The following PCBD2 variants were observed in gnomAD, a reference collection of about 807,000 sequenced individuals.
PCBD2 encodes pterin-4 alpha-carbinolamine dehydratase 2.
In PCBD2, 12 loss-of-function variants were observed where a neutral mutation model predicts 16.4. The observed-to-expected ratio is 0.73, with a 90% confidence interval of 0.47 to 1.19. The LOEUF (loss-of-function observed/expected upper bound fraction) is 1.19. Ranked by LOEUF, PCBD2 falls within the 50% of genes most tolerant of loss-of-function variation. PCBD2 has a pLI of 0.00. For missense variants in PCBD2, 138 were observed against 156.8 expected (o/e 0.88, Z 0.64); for synonymous variants, 58 against 61.8 (o/e 0.94, Z 0.29).
At chr5:134,924,744 G>A (rs1750963417) in intron 2 of PCBD2, 3 of 395,144 alleles carry the variant, frequency 7.6e-6, no homozygotes, top group East Asian at 3.6e-5. Flanking sequence ...TGATGGAGGC[G>A]GAGATTTGGT....
In PCBD2 at chr5:134,962,250, C is replaced by T. The variant is rs1263031642; in HGVS notation, c.*1569C>T. Among the ~76,000 whole-genome samples the T allele has an allele frequency of 6.6e-6, 1 of 152,068 alleles. No individual in the cohort carries two copies. The highest frequency in any genetic ancestry group is 1.5e-5 in the Non-Finnish European group (1 of 68,014). On this transcript the variant is annotated 3_prime_UTR_variant, in exon 4 of 4. Coordinates refer to ENST00000254908, the MANE Select transcript of PCBD2 (RefSeq NM_032151.5). ...GCGGTTACAGGCATGCATCACCACACCTGGCTTATTTTTAAAACTTTTTTG... is the reference window on the plus strand; with the variant it reads ...GCGGTTACAGGCATGCATCACCACATCTGGCTTATTTTTAAAACTTTTTTG...
At chr5:134,923,827 A>G in intron 2 of PCBD2, 1 of 394,032 alleles carries the variant, frequency 2.5e-6, no homozygotes, top group Non-Finnish European at 4.5e-6. Flanking sequence ...ATTCAGCCAT[A>G]ATTTACGTCT....
chr5:134,953,240 G>A (rs572154047), intron 2 of PCBD2, among the ~76,000 whole-genome samples: 1 of 151,362 alleles, frequency 6.6e-6, no homozygotes, highest in African/African-American at 2.4e-5. Flanking sequence ...TATGGACTGT[G>A]TTTTCTTTGT....
intron 2 of PCBD2, among the ~76,000 whole-genome samples, chr5:134,913,110 A>G (rs1381761861): frequency 1.3e-5 from 2 of 152,212 alleles, no homozygotes; most frequent in African/African-American, 4.8e-5. Flanking sequence ...TTTAAATTTT[A>G]TCATGAAATA....
chr5:134,945,866 T>C (rs1334559674), intron 2 of PCBD2, among the ~76,000 whole-genome samples: 1 of 152,066 alleles, frequency 6.6e-6, no homozygotes, highest in Non-Finnish European at 1.5e-5. Flanking sequence ...ATTTACAGAG[T>C]AGTAGAGGCA....
chr5:134,907,523 G>C (rs1437133203), intron 1 of PCBD2, among the ~76,000 whole-genome samples: 1 of 152,056 alleles, frequency 6.6e-6, no homozygotes, highest in East Asian at 1.9e-4. Flanking sequence ...TTACAGGCAT[G>C]AGCCACCACG....
intron 2 of PCBD2, among the ~76,000 whole-genome samples, chr5:134,919,672 C>T (rs958267960): frequency 6.6e-5 from 10 of 152,242 alleles, no homozygotes; most frequent in South Asian, 2.1e-4. Flanking sequence ...TTGCTGGTAC[C>T]GCTTAAATAG....
At chr5:134,923,582 G>C in intron 2 of PCBD2, 1 of 334,324 alleles carries the variant, frequency 3.0e-6, no homozygotes, top group South Asian at 1.5e-4. Context: ...GATCTGTTCC[G>C]ATGTATGGGA....
At chr5:134,947,389 ATTTTTT>A (rs1220114582) in intron 2 of PCBD2, among the ~76,000 whole-genome samples, 10 of 103,052 alleles carry the variant, frequency 9.7e-5, no homozygotes, top group Admixed American at 2.4e-4. Flanking sequence ...CCCGGCCTCA[ATTTTTT>A]TTTTTTTTTT....
chr5:134,910,036 C>G (rs1263071288), intron 1 of PCBD2, among the ~76,000 whole-genome samples: 2 of 152,214 alleles, frequency 1.3e-5, no homozygotes, highest in Non-Finnish European at 2.9e-5. Flanking sequence ...CACCACTACG[C>G]TCCAGCCTGG....
chr5:134,948,932 A>G (rs144041305), intron 2 of PCBD2, among the ~76,000 whole-genome samples: 2 of 152,310 alleles, frequency 1.3e-5, no homozygotes, highest in East Asian at 3.9e-4. Context: ...TGTTGTCTTC[A>G]GTGCCTGGAG....
intron 2 of PCBD2, chr5:134,926,278 A>ACTT (rs1750994819): frequency 2.9e-6 from 1 of 342,856 alleles, no homozygotes; most frequent in African/African-American, 2.1e-5. Flanking sequence ...TGAGATAATG[A>ACTT]CTTCTTGGTC....
chr5:134,906,912 A>T (rs1156509471), intron 1 of PCBD2, among the ~76,000 whole-genome samples: 1 of 152,170 alleles, frequency 6.6e-6, no homozygotes, highest in Non-Finnish European at 1.5e-5. Flanking sequence ...TAAGCCCACC[A>T]CCAAGGGTTC....
chr5:134,948,170 T>C (rs1751320255), intron 2 of PCBD2, among the ~76,000 whole-genome samples: 1 of 152,198 alleles, frequency 6.6e-6, no homozygotes, highest in African/African-American at 2.4e-5. Context: ...AACTGAAAGA[T>C]TGTGAGAAAT....
At chr5:134,913,615 C>T (rs1041284189) in intron 2 of PCBD2, among the ~76,000 whole-genome samples, 2 of 152,086 alleles carry the variant, frequency 1.3e-5, no homozygotes, top group Admixed American at 6.6e-5. Context: ...GAAGTGTCAT[C>T]CTGTGGCTGT....
chr5:134,919,734 T>C (rs1750879831), intron 2 of PCBD2, among the ~76,000 whole-genome samples: 1 of 152,194 alleles, frequency 6.6e-6, no homozygotes, highest in African/African-American at 2.4e-5. Context: ...TTGCAGAAAA[T>C]AATTGAAAGG....
intron 2 of PCBD2, among the ~76,000 whole-genome samples, chr5:134,936,820 A>T (rs1350067767): frequency 6.6e-6 from 1 of 152,206 alleles, no homozygotes; most frequent in Non-Finnish European, 1.5e-5. Flanking sequence ...GATTTTGAGA[A>T]TAGAAGACCT....
chr5:134,949,654 C>T (rs557651431), intron 2 of PCBD2, among the ~76,000 whole-genome samples: 1 of 152,296 alleles, frequency 6.6e-6, no homozygotes, highest in East Asian at 1.9e-4. Flanking sequence ...CTTGTGTTGC[C>T]TACAATTAAA....
chr5:134,925,703 C>T (rs1417690689), intron 2 of PCBD2: 5 of 396,872 alleles, frequency 1.3e-5, no homozygotes, highest in Non-Finnish European at 2.2e-5. Flanking sequence ...CCTGCTACAA[C>T]TATAGTGCTT....
Sources: gnomAD v4.1 joint callset for allele counts (sites outside exome capture counted in the v4.1 genomes callset) on GRCh38, gnomAD v4.1.1 for gene constraint, MANE v1.5 for transcripts, NCBI Gene and HGNC (gene_info 2026-07-23, HGNC 2026-07-21) for gene names.